The following USH2A variants were observed in gnomAD, a reference collection of about 807,000 sequenced individuals.
USH2A encodes Usher syndrome 2A (autosomal recessive, mild).
Under a neutral mutation model 538.9 loss-of-function variants are expected in USH2A, and 443 were observed. That is an observed-to-expected ratio of 0.82 (90% CI 0.76 to 0.89). The LOEUF (loss-of-function observed/expected upper bound fraction) is 0.89. Ranked by LOEUF, USH2A falls within the 40% of genes least tolerant of loss-of-function variation. The probability of loss-of-function intolerance (pLI) is 0.00; values close to 1 mark genes in which losing one functional copy is unlikely to be tolerated. For synonymous variants in USH2A, 2,413 were observed against 2,273.5 expected (o/e 1.06, Z -1.75); for missense variants, 6,633 against 6,324.8 (o/e 1.05, Z -1.65).
chr1:215,645,601 A>T (rs1656818806), intron 67 of USH2A, among the ~76,000 whole-genome samples: 1 of 152,212 alleles, frequency 6.6e-6, no homozygotes, highest in African/African-American at 2.4e-5. Flanking sequence ...TGTAAATGTG[A>T]TCTGTTACTA....
intron 33 of USH2A, among the ~76,000 whole-genome samples, chr1:215,999,484 G>A (rs560247909): frequency 1.3e-5 from 2 of 152,214 alleles, no homozygotes; most frequent in East Asian, 3.9e-4. Context: ...GACTGGAAGG[G>A]CTGAAAAAAT....
At chr1:216,039,080 T>C (rs2030138569) in intron 32 of USH2A, among the ~76,000 whole-genome samples, 1 of 152,028 alleles carries the variant, frequency 6.6e-6, no homozygotes, top group Non-Finnish European at 1.5e-5. Context: ...GAACGACACT[T>C]AGGTTGTATT....
intron 3 of USH2A, among the ~76,000 whole-genome samples, chr1:216,391,339 C>A (rs2039103427): frequency 6.6e-6 from 1 of 152,150 alleles, no homozygotes; most frequent in South Asian, 2.1e-4. Flanking sequence ...ACTTTATGAT[C>A]CTTCATAGCA....
intron 38 of USH2A, among the ~76,000 whole-genome samples, chr1:215,901,765 T>G (rs534999879): frequency 2.6e-5 from 4 of 152,306 alleles, no homozygotes; most frequent in Non-Finnish European, 5.9e-5. Flanking sequence ...TTTAATTAAT[T>G]TTTTCCAACT....
Position 216,163,252 on chromosome 1 carries a change from G to C in USH2A, c.4627+12000C>G, listed in dbSNP as rs144563959. Among the ~76,000 whole-genome samples the C allele has an allele frequency of 1.6e-4, 25 of 151,982 alleles. No individual in the cohort carries two copies. In the East Asian group the frequency reaches 4.5e-3, roughly 27 times the overall value. ...ATCTACTGAGTTGCTAACTTCAGCT[G>C]TTACTCCGCTCTAAAATTCCTATTC... On this transcript the variant is annotated intron_variant, in intron 21 of 71. Coordinates refer to ENST00000307340, the MANE Select transcript of USH2A (RefSeq NM_206933.4).
chr1:215,641,767 T>C (rs1233316703), intron 67 of USH2A, among the ~76,000 whole-genome samples: 1 of 152,194 alleles, frequency 6.6e-6, no homozygotes, highest in Non-Finnish European at 1.5e-5. Context: ...TTAGGAAATA[T>C]AACAAAATAA....
rs572697369 is a variant in USH2A at position 216,329,084 on chromosome 1, T to G, written c.785-1430A>C. Among the ~76,000 whole-genome samples the G allele has an allele frequency of 9.9e-4, 150 of 151,818 alleles. 1 individual carries two copies. The highest frequency in any genetic ancestry group is 3.5e-3 in the African/African-American group (144 of 41,432). On this transcript the variant is annotated intron_variant, in intron 4 of 71. Coordinates refer to ENST00000307340, the MANE Select transcript of USH2A (RefSeq NM_206933.4). ...TGCTCTGACTTTCCCGTAGGGAGAGTTTCTCTACTCTATCTATCCTAAAAC... is the reference window on the plus strand; with the variant it reads ...TGCTCTGACTTTCCCGTAGGGAGAGGTTCTCTACTCTATCTATCCTAAAAC...
At chr1:216,076,110 G>T (rs761404912) in intron 27 of USH2A, among the ~76,000 whole-genome samples, 1 of 152,058 alleles carries the variant, frequency 6.6e-6, no homozygotes, top group Non-Finnish European at 1.5e-5. Flanking sequence ...GTCTCTCAAG[G>T]CATCTGAGTC....
At chr1:216,377,807 AAAAG>A (rs200931887) in intron 3 of USH2A, among the ~76,000 whole-genome samples, 5,537 of 49,178 alleles carry the variant, frequency 0.11, 239 homozygotes, top group Middle Eastern at 0.16. Context: ...GAAAGAAATA[AAAAG>A]AAAGAAAGAA....
chr1:215,639,319 A>G (rs1662341302), intron 68 of USH2A, 81 bp from the exon 69 acceptor site: 1 of 1,307,840 alleles, frequency 7.6e-7, no homozygotes. Context: ...AGAGCAATGC[A>G]TCATAGCATG....
At chr1:216,379,514 A>T (rs1001434056) in intron 3 of USH2A, among the ~76,000 whole-genome samples, 1 of 152,202 alleles carries the variant, frequency 6.6e-6, no homozygotes, top group African/African-American at 2.4e-5. Flanking sequence ...GTGCTACTTA[A>T]GTGCTTTATT....
intron 41 of USH2A, among the ~76,000 whole-genome samples, chr1:215,880,905 T>C (rs1314746445): frequency 1.3e-5 from 2 of 152,156 alleles, no homozygotes; most frequent in Non-Finnish European, 2.9e-5. Context: ...AACATTTAAG[T>C]CTTTAATCCA....
chr1:215,814,127 C>T (rs1662787966), intron 48 of USH2A, among the ~76,000 whole-genome samples: 1 of 148,616 alleles, frequency 6.7e-6, no homozygotes, highest in Non-Finnish European at 1.5e-5. Context: ...ATGCTTTGTG[C>T]TCTATTATAA....
chr1:215,753,885 G>C (rs1039914005), intron 58 of USH2A, among the ~76,000 whole-genome samples: 1 of 152,084 alleles, frequency 6.6e-6, no homozygotes, highest in African/African-American at 2.4e-5. Flanking sequence ...TCTGTTTCTT[G>C]GCCCTCTGGG....
chr1:216,235,265 C>G (rs1044150905), intron 13 of USH2A, among the ~76,000 whole-genome samples: 2 of 152,118 alleles, frequency 1.3e-5, no homozygotes, highest in Non-Finnish European at 2.9e-5. Flanking sequence ...TTTGTTAGCT[C>G]TTCTTCATGT....
intron 3 of USH2A, among the ~76,000 whole-genome samples, chr1:216,390,848 A>G (rs1316667364): frequency 1.3e-5 from 2 of 152,210 alleles, no homozygotes; most frequent in African/African-American, 2.4e-5. Flanking sequence ...ACTCCTTAAA[A>G]TTAATCATTA....
At chr1:216,167,405 G>A (rs1017287317) in intron 21 of USH2A, among the ~76,000 whole-genome samples, 2 of 152,134 alleles carry the variant, frequency 1.3e-5, no homozygotes, top group African/African-American at 4.8e-5. Flanking sequence ...CTCAGGAGAT[G>A]GGTGAGTGGG....
chr1:216,340,050 G>A (rs2038046710), intron 4 of USH2A, among the ~76,000 whole-genome samples: 1 of 151,064 alleles, frequency 6.6e-6, no homozygotes, highest in Non-Finnish European at 1.5e-5. Flanking sequence ...TCCAGGAGCT[G>A]TTTTTTTTGA....
intron 55 of USH2A, 140 bp from the exon 56 acceptor site, chr1:215,766,928 G>T: frequency 1.2e-6 from 1 of 822,364 alleles, no homozygotes; most frequent in Non-Finnish European, 2.0e-6. Flanking sequence ...TTTAAAGAAG[G>T]TCTGAACCTC....
Sources: allele counts gnomAD v4.1 joint callset (sites outside exome capture counted in the v4.1 genomes callset), GRCh38; gene constraint gnomAD v4.1.1; transcripts MANE v1.5; gene names NCBI Gene and HGNC (gene_info 2026-07-23, HGNC 2026-07-21).